SYNJ2: variants seen among roughly 807,000 people sequenced by gnomAD.
The protein encoded by SYNJ2 is polyphosphatidylinositol phosphatase SYNJ2.
SYNJ2 carries 116 observed loss-of-function variants against 141.3 expected under a neutral mutation model. That is an observed-to-expected ratio of 0.82 (90% CI 0.71 to 0.96). SYNJ2 has a LOEUF of 0.96. Ranked by LOEUF, SYNJ2 falls within the 40% of genes least tolerant of loss-of-function variation. The pLI is 0.00. For synonymous variants in SYNJ2, 745 were observed against 777.7 expected (o/e 0.96, Z 0.70); for missense variants, 1,873 against 1,934.8 (o/e 0.97, Z 0.60).
At chr6:158,053,067 G>A (rs189302872) in intron 5 of SYNJ2, among the ~76,000 whole-genome samples, 7 of 152,210 alleles carry the variant, frequency 4.6e-5, no homozygotes, top group East Asian at 1.9e-4. Context: ...CTTCTTTTCC[G>A]TTAAGTCGAG....
In SYNJ2 at chr6:158,089,925, G is replaced by A. The variant is rs144362478; in HGVS notation, c.3543G>A (p.Arg1181=). The A allele has an allele frequency of 3.7e-6, 6 of 1,613,966 alleles. No homozygotes were observed. The highest frequency in any genetic ancestry group is 5.1e-6 in the Non-Finnish European group (6 of 1,179,968). ...CCCAGGAGGCAGAAGCAGCAATCCG[G>A]TGTCTCCTGGAAGCCAGAGGAGGTA... ...TNAQEAEAAI[R]CLLEARGGAS... Residue 1181 remains arginine (R), a synonymous_variant, in exon 25 of 27, where the codon CGG becomes CGA. Coordinates refer to ENST00000355585, the MANE Select transcript of SYNJ2 (RefSeq NM_003898.4).
rs117989158 is a variant in SYNJ2, at chr6:158,020,795, G to A, written c.214+3505G>A. 9.2e-5 allele frequency among the ~76,000 whole-genome samples: 14 copies of A among 152,344 alleles called. No homozygotes were observed. In the East Asian group the frequency reaches 1.5e-3, roughly 17 times the overall value. On this transcript the variant is annotated intron_variant, in intron 2 of 26. Transcript: ENST00000355585. ...AATGTTTTTAGCTAAGCATCTCTGCGCAAAGAAAGAGGCTTCCCCACAGGC... is the reference window on the plus strand; with the variant it reads ...AATGTTTTTAGCTAAGCATCTCTGCACAAAGAAAGAGGCTTCCCCACAGGC...
At chr6:158,032,194 G>A (rs1318867988) in intron 3 of SYNJ2, among the ~76,000 whole-genome samples, 1 of 152,118 alleles carries the variant, frequency 6.6e-6, no homozygotes, top group Non-Finnish European at 1.5e-5. Context: ...TGTGCTCCCT[G>A]TGGGGGTGCA....
intron 25 of SYNJ2, 140 bp from the exon 26 acceptor site, chr6:158,092,783 AAAG>A: frequency 1.2e-6 from 1 of 800,488 alleles, no homozygotes; most frequent in Non-Finnish European, 1.9e-6. Context: ...AAAAAGAAAA[AAAG>A]CTGGGACTGA....
Position 158,043,233 on chromosome 6 carries a change from A to C in SYNJ2, c.712-83A>C, listed in dbSNP as rs2128344574. The C allele has an allele frequency of 8.2e-7, 1 of 1,213,758 alleles. No individual in the cohort carries two copies. 75.2% of individuals were successfully genotyped at this position (1,213,758 alleles called of 1,614,324 possible). On this transcript the variant is annotated intron_variant, in intron 4 of 26. Coordinates refer to ENST00000355585, the MANE Select transcript of SYNJ2 (RefSeq NM_003898.4). This position sits in a 1 kb window ranked among gnomAD's most constrained non-coding sequence, Gnocchi z 4.0. ...TTCATTCTGGCTGGTGTCGGGTCAC[A>C]GGTGGCCGGATCCCGTTACCCAGCC...
intron 5 of SYNJ2, among the ~76,000 whole-genome samples, chr6:158,046,846 G>C (rs999283010): frequency 6.6e-6 from 1 of 152,182 alleles, no homozygotes; most frequent in Non-Finnish European, 1.5e-5. Flanking sequence ...TTTATGATCT[G>C]TGTCTGTGGT....
At chr6:158,010,731 A>G (rs974381525) in intron 1 of SYNJ2, among the ~76,000 whole-genome samples, 1 of 152,170 alleles carries the variant, frequency 6.6e-6, no homozygotes, top group Non-Finnish European at 1.5e-5. Flanking sequence ...TGGGCCCTTA[A>G]TCCAGTGTGA....
chr6:158,065,065 G>C (rs1781481765), intron 11 of SYNJ2, 74 bp downstream of exon 11: 4 of 1,452,536 alleles, frequency 2.8e-6, no homozygotes, highest in Non-Finnish European at 3.6e-6. Context: ...CCGCCTCTGT[G>C]CTATCCAGAG....
intron 1 of SYNJ2, among the ~76,000 whole-genome samples, chr6:158,014,953 G>A (rs1394773031): frequency 2.0e-5 from 3 of 152,330 alleles, no homozygotes; most frequent in Non-Finnish European, 4.4e-5. Flanking sequence ...ATGAGGACAA[G>A]TGCCTTTGAG....
At chr6:157,998,983 CGTA>C (rs1454838919) in intron 1 of SYNJ2, among the ~76,000 whole-genome samples, 1 of 152,112 alleles carries the variant, frequency 6.6e-6, no homozygotes, top group Non-Finnish European at 1.5e-5. Flanking sequence ...ACACCATAAA[CGTA>C]GTGAAAAGAC....
rs776409601 is a variant in SYNJ2 at position 158,071,606 on chromosome 6, G to T, written c.1945G>T (p.Val649Leu). ...RPYHVPFIRD[V>L]AIDTVKTGMG... The stretch of plus-strand genomic sequence containing the variant: ...GCGCGTATCCTTCTGTTCCAGGGAC[G>T]TAGCCATCGACACAGTGAAGACGGG... Residue 649 changes from valine (V) to leucine (L), a missense_variant, in exon 15 of 27, where the codon GTA becomes TTA. Physicochemically the swap from Val to Leu is conservative, Grantham distance 32. Coordinates refer to ENST00000355585, the MANE Select transcript of SYNJ2 (RefSeq NM_003898.4). The surrounding 1 kb of genome is among the most constrained non-coding windows in gnomAD (Gnocchi z 4.3). 1 of 1,613,570 alleles carries T rather than the reference G, an allele frequency of 6.2e-7. No homozygotes were observed. The highest frequency in any genetic ancestry group is 8.5e-7 in the Non-Finnish European group (1 of 1,179,924).
intron 1 of SYNJ2, among the ~76,000 whole-genome samples, chr6:158,006,050 C>G (rs770837626): frequency 1.3e-5 from 2 of 152,194 alleles, no homozygotes; most frequent in South Asian, 4.1e-4. Flanking sequence ...ACCTCTCTCT[C>G]AGCTGCATCA....
intron 1 of SYNJ2, among the ~76,000 whole-genome samples, chr6:157,983,427 A>G (rs1336828352): frequency 6.6e-6 from 1 of 152,184 alleles, no homozygotes; most frequent in Non-Finnish European, 1.5e-5. Context: ...TTTCCATTCC[A>G]TTTTAGATGT....
chr6:158,072,502 C>T (rs1781998438), intron 15 of SYNJ2, among the ~76,000 whole-genome samples: 1 of 152,214 alleles, frequency 6.6e-6, no homozygotes, highest in African/African-American at 2.4e-5. Context: ...TTCAGCTGTT[C>T]TTGCTGCAAA....
intron 17 of SYNJ2, among the ~76,000 whole-genome samples, chr6:158,077,398 G>A (rs1363231594): frequency 6.6e-6 from 1 of 152,164 alleles, no homozygotes; most frequent in Non-Finnish European, 1.5e-5. Flanking sequence ...TTCTGGGTGG[G>A]GAAAGCGGGG....
chr6:158,000,611 A>G (rs752626606), intron 1 of SYNJ2, among the ~76,000 whole-genome samples: 10 of 152,186 alleles, frequency 6.6e-5, no homozygotes, highest in Non-Finnish European at 1.5e-4. Context: ...CTGGATTGAA[A>G]TATGGAGTAG....
intron 9 of SYNJ2, 100 bp from the exon 10 acceptor site, chr6:158,064,501 A>C (rs1347880688): frequency 2.8e-6 from 4 of 1,447,418 alleles, no homozygotes; most frequent in African/African-American, 1.4e-5. Flanking sequence ...TTCCAGGCAC[A>C]GCGTAATCCA....
chr6:158,093,713 G>A (rs1783620546), intron 26 of SYNJ2, among the ~76,000 whole-genome samples: 2 of 152,318 alleles, frequency 1.3e-5, no homozygotes, highest in Admixed American at 6.5e-5. Flanking sequence ...ATAGTGGGAT[G>A]CTTTTCCCCA....
At position 158,071,522 on chromosome 6, in the gene SYNJ2, G is replaced by T. The variant is rs1051650750; in HGVS notation, c.1941-80G>T. ...TCAGAGCAGCAGGTCCCGAGCTGCT[G>T]CTGGGCCCTTCTCTGTGGCAAAGCA... On this transcript the variant is annotated intron_variant, in intron 14 of 26. Coordinates refer to ENST00000355585, the MANE Select transcript of SYNJ2 (RefSeq NM_003898.4). This position sits in a 1 kb window ranked among gnomAD's most constrained non-coding sequence, Gnocchi z 4.3. The T allele has an allele frequency of 2.6e-6, 4 of 1,515,682 alleles. No individual in the cohort carries two copies. Among genetic ancestry groups the T allele is most frequent in the Non-Finnish European group, 3.6e-6 (4 of 1,121,280 alleles). The allele number at this position is 1,515,682 out of a possible 1,614,324, so 93.9% of individuals were successfully genotyped here.
Sources: gnomAD v4.1 joint callset for allele counts (sites outside exome capture counted in the v4.1 genomes callset) on GRCh38, gnomAD v4.1.1 for gene constraint, Gnocchi (gnomAD v3.1) non-coding constraint, MANE v1.5 for transcripts, NCBI Gene and HGNC (gene_info 2026-07-23, HGNC 2026-07-21) for gene names.